Variants in ADCK1 observed in about 807,000 individuals in gnomAD.
The protein encoded by ADCK1 is aarF domain containing kinase 1.
Under a neutral mutation model 52.3 loss-of-function variants are expected in ADCK1, and 41 were observed. That is an observed-to-expected ratio of 0.78 (90% CI 0.61 to 1.02). ADCK1 has a LOEUF of 1.02. ADCK1 is among the 50% of genes least tolerant of loss of function. The pLI is 0.00. For synonymous variants in ADCK1, 250 were observed against 274.6 expected, an observed-to-expected ratio of 0.91 and a Z score of 0.89; for missense variants, 658 against 679.5, an observed-to-expected ratio of 0.97 and a Z score of 0.35.
chr14:77,918,913 C>T (rs75948717), intron 7 of ADCK1, among the ~76,000 whole-genome samples: 2,919 of 152,278 alleles, frequency 0.019, 85 homozygotes, highest in African/African-American at 0.067. Context: ...GTTGTGACTT[C>T]TTTTTATGCC....
intron 3 of ADCK1, among the ~76,000 whole-genome samples, chr14:77,846,804 G>C (rs1231343683): frequency 6.6e-6 from 1 of 152,214 alleles, no homozygotes; most frequent in Non-Finnish European, 1.5e-5. Context: ...GCCATGTCTA[G>C]GGTTGCTCCC....
rs116038137 is a variant in ADCK1 at position 77,864,207 on chromosome 14, G to A, written c.423+4928G>A. 5.1e-3 allele frequency among the ~76,000 whole-genome samples: 776 copies of A among 152,302 alleles called. 7 individuals are homozygous for A. The highest frequency in any genetic ancestry group is 0.016 in the African/African-American group (653 of 41,566). On this transcript the variant is annotated intron_variant, in intron 4 of 10. Transcript: ENST00000238561. Reference sequence around the variant, plus strand: ...AGGAGAGAGAAGGTGCAGGGGTACCGTTGTGCAACGGGTAGAATAATTCAT... The same window carrying A: ...AGGAGAGAGAAGGTGCAGGGGTACCATTGTGCAACGGGTAGAATAATTCAT...
intron 9 of ADCK1, among the ~76,000 whole-genome samples, chr14:77,928,705 C>A (rs899490159): frequency 6.6e-6 from 1 of 152,108 alleles, no homozygotes; most frequent in African/African-American, 2.4e-5. Context: ...TGTGATACAC[C>A]CATCTCGGCC....
rs1413331917 is a variant in ADCK1, at chr14:77,934,935, T to G, written c.*1544T>G. On this transcript the variant is annotated 3_prime_UTR_variant, in exon 11 of 11. Coordinates refer to ENST00000238561, the MANE Select transcript of ADCK1 (RefSeq NM_020421.4). The stretch of plus-strand genomic sequence containing the variant: ...AATTTGCAATATCTGATTATTAATC[T>G]TGAGGATGTGTGCTGCATAGTATAT... The G allele has an allele frequency of 6.6e-6, 1 of 152,232 alleles. No individual in the cohort carries two copies. The highest frequency in any genetic ancestry group is 1.5e-5 in the Non-Finnish European group (1 of 68,046). The allele number at this position is 152,232 out of a possible 1,614,324, so 9.4% of individuals were successfully genotyped here.
intron 5 of ADCK1, among the ~76,000 whole-genome samples, chr14:77,888,346 A>G (rs565485624): frequency 1.3e-5 from 2 of 152,158 alleles, no homozygotes; most frequent in African/African-American, 4.8e-5. Context: ...GGGGGTTTGT[A>G]TTCCAAGCTA....
rs750185239 is a variant in ADCK1 at position 77,931,685 on chromosome 14, A to G, written c.1374A>G (p.Ser458=). 2 of 1,605,716 alleles carry G rather than the reference A, an allele frequency of 1.2e-6. No homozygotes were observed. Among genetic ancestry groups the G allele is most frequent in the East Asian group, 2.2e-5 (1 of 44,872 alleles). ...GCGCCAGCTCCTTTCTCAACATGTC[A>G]CGTTGCTGCATCAGAGCGCTAGCTG... ...RASASSFLNM[S]RCCIRALAEH... is the part of the protein sequence containing the mutation. The change falls in exon 10 of 11, where the codon TCA becomes TCG. Residue 458 remains serine, a synonymous_variant. Transcript: ENST00000238561.
At chr14:77,838,348 T>C (rs560006741) in intron 3 of ADCK1, among the ~76,000 whole-genome samples, 2 of 152,348 alleles carry the variant, frequency 1.3e-5, no homozygotes, top group East Asian at 1.9e-4. Context: ...ACTGGGGTGC[T>C]GTCCCTCCCA....
chr14:77,899,231 G>T lies in ADCK1; in HGVS notation c.714G>T (p.Gln238His). The part of the protein sequence containing the change: ...NEGRNAEKVS[Q>H]MLRHFDFLKV... Reference sequence around the variant, plus strand: ...GGAGGAATGCTGAGAAGGTGTCCCAGATGCTCAGGCATTTTGACTTCTTGA... The same window carrying T: ...GGAGGAATGCTGAGAAGGTGTCCCATATGCTCAGGCATTTTGACTTCTTGA... The change falls in exon 6 of 11, where the codon CAG (glutamine) becomes CAT (histidine). Residue 238 changes from glutamine to histidine, a missense_variant. Transcript: ENST00000238561. 6.2e-7 allele frequency: 1 copy of T among 1,614,192 alleles called. No homozygotes were observed. Among genetic ancestry groups the T allele is most frequent in the Non-Finnish European group, 8.5e-7 (1 of 1,180,014 alleles).
At chr14:77,908,198 A>C in intron 7 of ADCK1, 1 of 250,036 alleles carries the variant, frequency 4.0e-6, no homozygotes, top group South Asian at 6.6e-5. Context: ...CTAAGCGGCC[A>C]CAGAGAACAA....
intron 4 of ADCK1, among the ~76,000 whole-genome samples, chr14:77,882,341 AG>A (rs2083046353): frequency 6.6e-6 from 1 of 152,218 alleles, no homozygotes. Flanking sequence ...GTTCTGCCCC[AG>A]GTGCCCTAAG....
chr14:77,818,903 C>T (rs2081520726), intron 1 of ADCK1, 65 bp from the exon 2 acceptor site: 1 of 1,567,726 alleles, frequency 6.4e-7, no homozygotes, highest in African/African-American at 1.4e-5. Context: ...GGGATTTGAA[C>T]TTCAGTTTGA....
intron 3 of ADCK1, among the ~76,000 whole-genome samples, chr14:77,856,766 G>A (rs1204541060): frequency 6.6e-6 from 1 of 152,206 alleles, no homozygotes; most frequent in African/African-American, 2.4e-5. Context: ...CACTTTGGGA[G>A]GCCACGGCGA....
At chr14:77,889,579 C>T (rs182380018) in intron 5 of ADCK1, among the ~76,000 whole-genome samples, 82 of 152,310 alleles carry the variant, frequency 5.4e-4, no homozygotes, top group African/African-American at 1.9e-3. Context: ...CTCTTGCCCC[C>T]CCAGTATGCC....
chr14:77,818,185 G>A (rs2081503817), intron 1 of ADCK1, among the ~76,000 whole-genome samples: 1 of 152,164 alleles, frequency 6.6e-6, no homozygotes, highest in Non-Finnish European at 1.5e-5. Context: ...ATGCCTGTAT[G>A]TGCATTGTGG....
intron 9 of ADCK1, among the ~76,000 whole-genome samples, chr14:77,927,494 A>T (rs1261209658): frequency 3.3e-5 from 5 of 152,244 alleles, no homozygotes; most frequent in Non-Finnish European, 7.3e-5. Context: ...GGATCCCATG[A>T]TGAACAGGCA....
intron 7 of ADCK1, among the ~76,000 whole-genome samples, chr14:77,911,208 C>T (rs2083783350): frequency 6.6e-6 from 1 of 152,082 alleles, no homozygotes; most frequent in South Asian, 2.1e-4. Flanking sequence ...AACAACTTGC[C>T]CCGTATCACA....
intron 9 of ADCK1, among the ~76,000 whole-genome samples, chr14:77,930,049 G>C (rs2084291138): frequency 6.6e-6 from 1 of 152,196 alleles, no homozygotes; most frequent in Admixed American, 6.5e-5. Context: ...CTTAGCTGGA[G>C]ACTGCTGCTC....
rs2084380267 is a variant in ADCK1, at chr14:77,933,234, A to G, written c.1415A>G (p.Asn472Ser). The G allele has an allele frequency of 6.2e-7, 1 of 1,613,870 alleles. No homozygotes were observed. Among genetic ancestry groups the G allele is most frequent in the Non-Finnish European group, 8.5e-7 (1 of 1,179,798 alleles). Residue 472 changes from asparagine (N) to serine (S), a missense_variant, in exon 11 of 11, where the codon AAT (asparagine) becomes AGT (serine). Physicochemically the swap from Asn to Ser is conservative, Grantham distance 46. Transcript: ENST00000238561. Reference protein sequence around the residue: ...IRALAEHKKKNTCSFFRRTQI... With the variant: ...IRALAEHKKKSTCSFFRRTQI... Reference sequence around the variant, plus strand: ...CCTTTTTCCAGGCACAAGAAGAAGAATACCTGTTCATTCTTCAGAAGGACC... The same window carrying G: ...CCTTTTTCCAGGCACAAGAAGAAGAGTACCTGTTCATTCTTCAGAAGGACC...
chr14:77,862,348 G>A (rs966517043), intron 4 of ADCK1, among the ~76,000 whole-genome samples: 17 of 152,134 alleles, frequency 1.1e-4, no homozygotes, highest in Admixed American at 2.0e-4. Flanking sequence ...TGCCCTTGGG[G>A]CTGTGGGTCC....
Sources: gnomAD v4.1 joint callset for allele counts (sites outside exome capture counted in the v4.1 genomes callset) on GRCh38, gnomAD v4.1.1 for gene constraint, MANE v1.5 for transcripts, NCBI Gene and HGNC (gene_info 2026-07-23, HGNC 2026-07-21) for gene names.